The following KCNAB1 variants were observed in gnomAD, a reference collection of about 807,000 sequenced individuals.
KCNAB1 encodes voltage-gated potassium channel subunit beta-1.
A neutral mutation model predicts 64.6 loss-of-function variants in KCNAB1; 35 were observed. The ratio of observed to expected loss-of-function variants is 0.54; its 90% confidence interval spans 0.41 to 0.72. The LOEUF is 0.72. KCNAB1 is among the 30% of genes least tolerant of loss of function. KCNAB1 has a pLI of 0.00. For missense variants in KCNAB1, 401 were observed against 512.9 expected (o/e 0.78, Z 2.11); for synonymous variants, 177 against 183.8 (o/e 0.96, Z 0.30).
At chr3:156,278,936 T>G (rs1158910483) in intron 1 of KCNAB1, among the ~76,000 whole-genome samples, 1 of 147,844 alleles carries the variant, frequency 6.8e-6, no homozygotes. Flanking sequence ...TGGGAATACT[T>G]TATTTTATTT....
intron 8 of KCNAB1, among the ~76,000 whole-genome samples, chr3:156,487,090 CAAA>C (rs1462267421): frequency 3.3e-5 from 5 of 151,958 alleles, no homozygotes. Flanking sequence ...ATGCACATGC[CAAA>C]AAAATTTAAC....
intron 1 of KCNAB1, among the ~76,000 whole-genome samples, chr3:156,223,005 G>A (rs1399481714): frequency 6.6e-6 from 1 of 152,234 alleles, no homozygotes; most frequent in African/African-American, 2.4e-5. Flanking sequence ...GACAATCTGT[G>A]TCCGGAATTG....
At chr3:156,128,417 A>G (rs1321384095) in intron 1 of KCNAB1, among the ~76,000 whole-genome samples, 1 of 152,242 alleles carries the variant, frequency 6.6e-6, no homozygotes, top group Non-Finnish European at 1.5e-5. Context: ...TTTGATTTTC[A>G]AAGTGTGTTA....
intron 1 of KCNAB1, among the ~76,000 whole-genome samples, chr3:156,387,099 T>G (rs369583246): frequency 6.6e-6 from 1 of 150,468 alleles, no homozygotes; most frequent in East Asian, 2.0e-4. Flanking sequence ...TGAAAAGTAC[T>G]ATGCATTCTA....
chr3:156,424,926 A>C (rs778229313), intron 2 of KCNAB1, among the ~76,000 whole-genome samples: 9 of 152,250 alleles, frequency 5.9e-5, no homozygotes, highest in Non-Finnish European at 1.0e-4. Context: ...GAAACAAGGA[A>C]GTTCATAGGG....
chr3:156,386,309 C>T (rs1712588747), intron 1 of KCNAB1, among the ~76,000 whole-genome samples: 1 of 152,218 alleles, frequency 6.6e-6, no homozygotes, highest in Non-Finnish European at 1.5e-5. Flanking sequence ...CCTTCATGCG[C>T]AGTGCCCTCC....
intron 1 of KCNAB1, among the ~76,000 whole-genome samples, chr3:156,151,872 G>A (rs1348325148): frequency 6.6e-6 from 1 of 152,138 alleles, no homozygotes; most frequent in African/African-American, 2.4e-5. Flanking sequence ...AGTATTGGAT[G>A]GCAATATTTT....
intron 8 of KCNAB1, among the ~76,000 whole-genome samples, chr3:156,510,529 C>T (rs987029811): frequency 3.3e-5 from 5 of 152,180 alleles, no homozygotes; most frequent in African/African-American, 7.2e-5. Context: ...CTTAATGTCC[C>T]GTGACCCTGA....
intron 1 of KCNAB1, chr3:156,291,304 C>T: frequency 1.0e-6 from 1 of 989,272 alleles, no homozygotes; most frequent in Non-Finnish European, 1.2e-6. Context: ...CCTCCCGGAG[C>T]GGAGGCGGGA....
intron 1 of KCNAB1, among the ~76,000 whole-genome samples, chr3:156,247,723 C>T (rs1717546922): frequency 6.6e-6 from 1 of 152,064 alleles, no homozygotes; most frequent in Admixed American, 6.5e-5. Context: ...CCACCATGCC[C>T]CACTAATTTT....
chr3:156,473,397 TTACCTCCTCCCTGCA>T (rs1248355821), intron 7 of KCNAB1, among the ~76,000 whole-genome samples: 1 of 152,176 alleles, frequency 6.6e-6, no homozygotes, highest in Non-Finnish European at 1.5e-5. Context: ...TGTCCTTTCC[TTACCTCCTCCCTGCA>T]TACAACTGTC....
intron 1 of KCNAB1, 112 bp downstream of exon 1, chr3:156,120,998 C>A: frequency 7.8e-7 from 1 of 1,281,764 alleles, no homozygotes; most frequent in Non-Finnish European, 1.1e-6. Context: ...CTCTAATTGC[C>A]TTAGAGATGA....
At chr3:156,496,588 A>G (rs1489273385) in intron 8 of KCNAB1, among the ~76,000 whole-genome samples, 1 of 152,202 alleles carries the variant, frequency 6.6e-6, no homozygotes, top group African/African-American at 2.4e-5. Context: ...ATGAAAATAG[A>G]CTAATACATA....
chr3:156,376,651 G>T (rs1711697746), intron 1 of KCNAB1, among the ~76,000 whole-genome samples: 1 of 152,220 alleles, frequency 6.6e-6, no homozygotes. Context: ...GGGTAAAAAA[G>T]AGGTAAGCCC....
intron 1 of KCNAB1, among the ~76,000 whole-genome samples, chr3:156,179,716 T>C (rs1712675022): frequency 6.6e-6 from 1 of 152,202 alleles, no homozygotes; most frequent in Non-Finnish European, 1.5e-5. Context: ...AGACTACATA[T>C]TGCTCTGTCA....
At chr3:156,210,940 G>T (rs1714967260) in intron 1 of KCNAB1, among the ~76,000 whole-genome samples, 1 of 152,170 alleles carries the variant, frequency 6.6e-6, no homozygotes, top group Non-Finnish European at 1.5e-5. Context: ...TTTTCCACAG[G>T]GTTTGGTCCA....
chr3:156,288,777 C>G (rs142320656), intron 1 of KCNAB1, among the ~76,000 whole-genome samples: 144 of 152,362 alleles, frequency 9.5e-4, no homozygotes, highest in African/African-American at 3.0e-3. Flanking sequence ...CATCTACACA[C>G]AAGAGGTGCA....
chr3:156,533,191 G>A (rs1317211601), intron 13 of KCNAB1, among the ~76,000 whole-genome samples: 3 of 152,194 alleles, frequency 2.0e-5, no homozygotes, highest in African/African-American at 7.2e-5. Context: ...GTAAATAAAT[G>A]TTTATTTTAC....
At chr3:156,260,791 A>G (rs755670631) in intron 1 of KCNAB1, among the ~76,000 whole-genome samples, 2 of 152,286 alleles carry the variant, frequency 1.3e-5, no homozygotes, top group South Asian at 4.1e-4. Flanking sequence ...TGAATGATAT[A>G]CTTGTATTTA....
Sources: allele counts gnomAD v4.1 joint callset (sites outside exome capture counted in the v4.1 genomes callset), GRCh38; gene constraint gnomAD v4.1.1; transcripts MANE v1.5; gene names NCBI Gene and HGNC (gene_info 2026-07-23, HGNC 2026-07-21).